The following DTD1 variants were observed in gnomAD, a reference collection of about 807,000 sequenced individuals.
The protein encoded by DTD1 is D-aminoacyl-tRNA deacylase 1, also known as D-tyrosyl-tRNA deacylase 1 homolog.
Under a neutral mutation model 25.6 loss-of-function variants are expected in DTD1, and 13 were observed. The ratio of observed to expected loss-of-function variants is 0.51; its 90% CI spans 0.33 to 0.81. The LOEUF (loss-of-function observed/expected upper bound fraction) is 0.81. DTD1 is among the 30% of genes least tolerant of loss of function. DTD1 has a pLI of 0.02. For synonymous variants in DTD1, 110 were observed against 103.6 expected, an observed-to-expected ratio of 1.06 and a Z score of -0.37; for missense variants, 193 against 266.4, an observed-to-expected ratio of 0.72 and a Z score of 1.92.
chr20:18,696,470 G>A (rs1334282812), intron 4 of DTD1, among the ~76,000 whole-genome samples: 1 of 152,164 alleles, frequency 6.6e-6, no homozygotes, highest in East Asian at 1.9e-4. Flanking sequence ...AGATTAGGGA[G>A]GAAATTCATG....
intron 1 of DTD1, among the ~76,000 whole-genome samples, chr20:18,589,761 G>A (rs2060581723): frequency 6.6e-6 from 1 of 152,158 alleles, no homozygotes; most frequent in Non-Finnish European, 1.5e-5. Context: ...TTGAAAATGT[G>A]TATTCTGTGA....
At chr20:18,720,657 C>T (rs955517118) in intron 4 of DTD1, among the ~76,000 whole-genome samples, 3 of 152,108 alleles carry the variant, frequency 2.0e-5, no homozygotes, top group Non-Finnish European at 4.4e-5. Context: ...GAGTTTGAGA[C>T]AAGCCTGGGC....
At chr20:18,693,778 A>G (rs2061058987) in intron 4 of DTD1, among the ~76,000 whole-genome samples, 1 of 152,076 alleles carries the variant, frequency 6.6e-6, no homozygotes, top group African/African-American at 2.4e-5. Context: ...CCCATTGTGT[A>G]TCCAGTCTCA....
intron 5 of DTD1, among the ~76,000 whole-genome samples, chr20:18,756,016 G>A (rs1213972198): frequency 6.6e-6 from 1 of 151,716 alleles, no homozygotes; most frequent in African/African-American, 2.4e-5. Context: ...TTTCTCTGAT[G>A]GCCAGTGATG....
At chr20:18,750,463 C>T (rs1216447108) in intron 5 of DTD1, among the ~76,000 whole-genome samples, 2 of 152,092 alleles carry the variant, frequency 1.3e-5, no homozygotes, top group Non-Finnish European at 2.9e-5. Flanking sequence ...AGGGGAGCAG[C>T]TTTGAGTTTC....
intron 3 of DTD1, among the ~76,000 whole-genome samples, chr20:18,622,852 A>G: frequency 6.6e-6 from 1 of 151,990 alleles, no homozygotes. Flanking sequence ...AAGTTTCCCA[A>G]TATCCCGCAA....
intron 4 of DTD1, among the ~76,000 whole-genome samples, chr20:18,719,718 C>G (rs574209390): frequency 2.0e-5 from 3 of 152,254 alleles, no homozygotes; most frequent in Non-Finnish European, 4.4e-5. Context: ...GCATGCCCCT[C>G]CTGTCCCTTG....
Position 18,715,210 on chromosome 20 carries a change from A to G in DTD1, c.478-28890A>G, listed in dbSNP as rs1039896431. ...CCCCCACTCCATTTCCCCCAGGGTC[A>G]GAACACAGCAAGCCCTGTCCCTAAA... On this transcript the variant is annotated intron_variant, in intron 4 of 5. Transcript: ENST00000377452. 6.2e-4 allele frequency among the ~76,000 whole-genome samples: 95 copies of G among 152,112 alleles called. 2 individuals carry two copies. Among genetic ancestry groups the G allele is most frequent in the Admixed American group, 6.2e-3 (94 of 15,266 alleles).
At chr20:18,635,441 C>T (rs1377442190) in intron 4 of DTD1, among the ~76,000 whole-genome samples, 1 of 152,216 alleles carries the variant, frequency 6.6e-6, no homozygotes, top group Non-Finnish European at 1.5e-5. Context: ...CATGGAATCA[C>T]CTGGATTTCT....
intron 4 of DTD1, among the ~76,000 whole-genome samples, chr20:18,675,804 G>T (rs2060969187): frequency 8.1e-6 from 1 of 123,760 alleles, no homozygotes; most frequent in African/African-American, 2.8e-5. Flanking sequence ...ATACCTATGT[G>T]TATATTTACA....
intron 4 of DTD1, among the ~76,000 whole-genome samples, chr20:18,728,626 A>G (rs546611077): frequency 1.8e-3 from 272 of 152,250 alleles, no homozygotes; most frequent in African/African-American, 5.6e-3. Context: ...AAGTAGGGGA[A>G]GTGGAATAAC....
chr20:18,726,150 G>A (rs2061221645), intron 4 of DTD1, among the ~76,000 whole-genome samples: 1 of 152,174 alleles, frequency 6.6e-6, no homozygotes, highest in Admixed American at 6.5e-5. Context: ...TACAGGTGTG[G>A]GTGGAGTGGA....
chr20:18,723,423 C>G (rs939515193), intron 4 of DTD1, among the ~76,000 whole-genome samples: 21 of 152,214 alleles, frequency 1.4e-4, no homozygotes, highest in East Asian at 7.7e-4. Flanking sequence ...ATTTCAGGAA[C>G]CTTAGCCAGT....
At chr20:18,626,914 T>A (rs961569988) in intron 3 of DTD1, among the ~76,000 whole-genome samples, 4 of 152,242 alleles carry the variant, frequency 2.6e-5, no homozygotes. Context: ...GTGCAGTGAC[T>A]GAAATTTTCT....
At chr20:18,665,390 G>A (rs960407904) in intron 4 of DTD1, among the ~76,000 whole-genome samples, 3 of 152,228 alleles carry the variant, frequency 2.0e-5, no homozygotes, top group Admixed American at 6.5e-5. Flanking sequence ...GATCAGCCCC[G>A]GCTCTGGGGA....
chr20:18,675,432 T>A (rs1450439157), intron 4 of DTD1: 2 of 152,208 alleles, frequency 1.3e-5, no homozygotes, highest in Non-Finnish European at 2.9e-5. Context: ...TTGTCATCCC[T>A]TTGTATGGCT....
chr20:18,595,660 T>C (rs77499726), intron 2 of DTD1, among the ~76,000 whole-genome samples: 2,792 of 152,276 alleles, frequency 0.018, 92 homozygotes, highest in African/African-American at 0.062. Flanking sequence ...AAAATTACAA[T>C]TGGACCCATG....
At chr20:18,675,886 G>GTAAATATACCTATGTGTGTATTTACA (rs1568665525) in intron 4 of DTD1, among the ~76,000 whole-genome samples, 4 of 30,324 alleles carry the variant, frequency 1.3e-4, no homozygotes, top group Non-Finnish European at 1.9e-4. Flanking sequence ...GTGTATTTAC[G>GTAAATATACCTATGTGTGTATTTACA]AAATGGGATC....
At chr20:18,593,656 TC>T in intron 1 of DTD1, 74 bp from the exon 2 acceptor site, 1 of 1,013,282 alleles carries the variant, frequency 9.9e-7, no homozygotes, top group East Asian at 2.5e-5. Flanking sequence ...TTTAAAATAC[TC>T]CTATGGTTAC....
Sources: gnomAD v4.1 joint callset for allele counts (sites outside exome capture counted in the v4.1 genomes callset) on GRCh38, gnomAD v4.1.1 for gene constraint, MANE v1.5 for transcripts, NCBI Gene and HGNC (gene_info 2026-07-23, HGNC 2026-07-21) for gene names.